Variants in IL1RAPL1 observed in about 807,000 individuals in gnomAD.
IL1RAPL1 encodes interleukin-1 receptor accessory protein-like 1.
A neutral mutation model predicts 48.4 loss-of-function variants in IL1RAPL1; 3 were observed. The ratio of observed to expected loss-of-function variants is 0.06; its 90% CI spans 0.03 to 0.16. The LOEUF (loss-of-function observed/expected upper bound fraction) is 0.16. Ranked by LOEUF, IL1RAPL1 falls within the 10% of genes least tolerant of loss-of-function variation. IL1RAPL1 has a pLI of 1.00. For synonymous variants in IL1RAPL1, 185 were observed against 187.7 expected (o/e 0.99, Z 0.12); for missense variants, 349 against 530.6 (o/e 0.66, Z 3.36).
chrX:29,467,354 C>G (rs1569317761), intron 5 of IL1RAPL1, among the ~76,000 whole-genome samples: 1 of 112,763 alleles, frequency 8.9e-6, no homozygotes, highest in Non-Finnish European at 1.9e-5. Context: ...CGCTCATTCT[C>G]TCTTTTGAAG....
At chrX:28,759,199 T>C (rs1057133610) in intron 1 of IL1RAPL1, among the ~76,000 whole-genome samples, 4 of 109,071 alleles carry the variant, frequency 3.7e-5, no homozygotes, top group Non-Finnish European at 7.6e-5. Flanking sequence ...GATCACGCCA[T>C]TGCACTCCAG....
chrX:29,404,829 G>A (rs747543445), intron 5 of IL1RAPL1, among the ~76,000 whole-genome samples: 1 of 111,857 alleles, frequency 8.9e-6, no homozygotes, highest in African/African-American at 3.2e-5. Flanking sequence ...ATGTCCCTTA[G>A]TTTTCATTTA....
intron 1 of IL1RAPL1, among the ~76,000 whole-genome samples, chrX:28,692,307 C>T (rs1935186960): frequency 9.0e-6 from 1 of 111,217 alleles, no homozygotes; most frequent in Admixed American, 9.6e-5. Context: ...GACAAACTTC[C>T]AAACTATAGC....
intron 6 of IL1RAPL1, among the ~76,000 whole-genome samples, chrX:29,900,712 G>GT (rs35645246): frequency 0.12 from 13,604 of 111,398 alleles, 781 homozygotes; most frequent in African/African-American, 0.2. Flanking sequence ...TTGAACATGA[G>GT]TATTGTGGGA....
At chrX:29,727,717 G>C (rs778381267) in intron 6 of IL1RAPL1, among the ~76,000 whole-genome samples, 1 of 111,456 alleles carries the variant, frequency 9.0e-6, no homozygotes, top group Non-Finnish European at 1.9e-5. Flanking sequence ...GCGAATTTCA[G>C]CTGCCAAAAC....
intron 2 of IL1RAPL1, among the ~76,000 whole-genome samples, chrX:29,060,182 G>A (rs189189292): frequency 8.9e-6 from 1 of 111,766 alleles, no homozygotes; most frequent in East Asian, 2.8e-4. Context: ...AAGAACCATT[G>A]TATATTTTAT....
intron 5 of IL1RAPL1, among the ~76,000 whole-genome samples, chrX:29,469,517 G>A (rs964866724): frequency 8.9e-6 from 1 of 111,782 alleles, no homozygotes; most frequent in Non-Finnish European, 1.9e-5. Context: ...CAATTTTTAG[G>A]TTTTATATTA....
intron 6 of IL1RAPL1, among the ~76,000 whole-genome samples, chrX:29,898,668 G>A (rs776801463): frequency 3.4e-4 from 37 of 109,046 alleles, no homozygotes; most frequent in African/African-American, 1.2e-3. Context: ...GATAGAATAC[G>A]AATAGTGTGA....
At chrX:29,494,713 G>A (rs1244400374) in intron 5 of IL1RAPL1, among the ~76,000 whole-genome samples, 1 of 112,193 alleles carries the variant, frequency 8.9e-6, no homozygotes, top group African/African-American at 3.2e-5. Context: ...CCTTTAGATA[G>A]GCTTAAGATA....
chrX:28,997,714 A>G (rs1281304781), intron 2 of IL1RAPL1, among the ~76,000 whole-genome samples: 3 of 111,571 alleles, frequency 2.7e-5, no homozygotes, highest in African/African-American at 9.8e-5. Context: ...GATCTTGGCT[A>G]TGTTAACAAA....
At chrX:29,541,284 A>T (rs1350094127) in intron 5 of IL1RAPL1, among the ~76,000 whole-genome samples, 1 of 111,776 alleles carries the variant, frequency 8.9e-6, no homozygotes, top group African/African-American at 3.3e-5. Context: ...AAAGCCACAG[A>T]TGCTAGTGAG....
intron 2 of IL1RAPL1, among the ~76,000 whole-genome samples, chrX:29,160,872 G>A (rs1361324331): frequency 1.8e-5 from 2 of 111,832 alleles, no homozygotes; most frequent in African/African-American, 6.5e-5. Context: ...TGGCCAACAT[G>A]GTGAAACCCT....
chrX:29,677,695 A>G (rs980124737), intron 6 of IL1RAPL1, among the ~76,000 whole-genome samples: 1 of 112,019 alleles, frequency 8.9e-6, no homozygotes, highest in Non-Finnish European at 1.9e-5. Flanking sequence ...CCCGTTGTTT[A>G]TTAATGGAAA....
rs751883835 is a variant in IL1RAPL1 at position 29,892,084 on chromosome X, C to T, written c.779-25380C>T. On this transcript the variant is annotated intron_variant, in intron 6 of 10. Coordinates refer to ENST00000378993, the MANE Select transcript of IL1RAPL1 (RefSeq NM_014271.4). ...ACATTGTGGTTTTGATTACATATCA[C>T]GTTTTCCTTTCCCGCTCAAATGAAG... is the stretch of plus-strand genomic sequence containing the variant. Among the ~76,000 whole-genome samples, 172 of 112,071 alleles carry T rather than the reference C, an allele frequency of 1.5e-3. 2 individuals carry two copies. The highest frequency in any genetic ancestry group is 2.4e-3 in the Non-Finnish European group (129 of 53,194).
chrX:29,081,019 TC>T (rs776130281), intron 2 of IL1RAPL1, among the ~76,000 whole-genome samples: 1,146 of 49,494 alleles, frequency 0.023, 28 homozygotes, highest in South Asian at 0.045. Context: ...TCTCTCTCTC[TC>T]TTTCTTTTCT....
At chrX:29,242,877 G>A (rs1931446717) in intron 2 of IL1RAPL1, among the ~76,000 whole-genome samples, 1 of 111,980 alleles carries the variant, frequency 8.9e-6, no homozygotes, top group Non-Finnish European at 1.9e-5. Context: ...GACAGAGTTG[G>A]TATTCAAATC....
At chrX:29,803,547 A>T (rs1055276731) in intron 6 of IL1RAPL1, among the ~76,000 whole-genome samples, 1 of 99,773 alleles carries the variant, frequency 1.0e-5, no homozygotes, top group Non-Finnish European at 2.0e-5. Context: ...ATATATGTAT[A>T]TGTGTGTATA....
chrX:29,182,067 C>G (rs1004387708), intron 2 of IL1RAPL1, among the ~76,000 whole-genome samples: 3 of 107,863 alleles, frequency 2.8e-5, no homozygotes, highest in Non-Finnish European at 5.7e-5. Context: ...GCCAGGGGAA[C>G]CAACCATGTT....
At chrX:29,808,293 AT>A (rs1187564989) in intron 6 of IL1RAPL1, among the ~76,000 whole-genome samples, 3 of 111,660 alleles carry the variant, frequency 2.7e-5, no homozygotes, top group African/African-American at 9.7e-5. Flanking sequence ...CTTAATGGTA[AT>A]TTTTTTTAAG....
Sources: allele counts gnomAD v4.1 joint callset (sites outside exome capture counted in the v4.1 genomes callset), GRCh38; gene constraint gnomAD v4.1.1; transcripts MANE v1.5; gene names NCBI Gene and HGNC (gene_info 2026-07-23, HGNC 2026-07-21).